Variants in KCND2 observed in about 807,000 individuals in gnomAD.
The protein encoded by KCND2 is A-type voltage-gated potassium channel KCND2.
KCND2 carries 16 observed loss-of-function variants against 54.4 expected under a neutral mutation model. That is an observed-to-expected ratio of 0.29 (90% CI 0.20 to 0.45). The LOEUF (loss-of-function observed/expected upper bound fraction) is 0.45, where lower values mean the gene tolerates loss of function less well. Ranked by LOEUF, KCND2 falls within the 20% of genes least tolerant of loss-of-function variation. The pLI is 1.00. For synonymous variants in KCND2, 317 were observed against 310.7 expected, an observed-to-expected ratio of 1.02 and a Z score of -0.21; for missense variants, 486 against 824.2, an observed-to-expected ratio of 0.59 and a Z score of 5.02.
chr7:120,274,602 G>C lies in KCND2; in HGVS notation c.-31G>C. 1 of 1,614,040 alleles carries C rather than the reference G, an allele frequency of 6.2e-7. No individual in the cohort carries two copies. ...TTCGGTGACCCATTGTAGACGCCTCGTTACCCTTCTTCCTTCCGCTTCAAG... is the reference window on the plus strand; with the variant it reads ...TTCGGTGACCCATTGTAGACGCCTCCTTACCCTTCTTCCTTCCGCTTCAAG... On this transcript the variant is annotated 5_prime_UTR_variant, in exon 1 of 6. Coordinates refer to ENST00000331113, the MANE Select transcript of KCND2 (RefSeq NM_012281.3).
At chr7:120,680,058 G>T (rs1039550458) in intron 1 of KCND2, among the ~76,000 whole-genome samples, 3 of 152,084 alleles carry the variant, frequency 2.0e-5, no homozygotes, top group African/African-American at 7.2e-5. Context: ...TGATTAATTT[G>T]CATGAGAATA....
chr7:120,586,916 C>A (rs1263086905), intron 1 of KCND2, among the ~76,000 whole-genome samples: 1 of 151,954 alleles, frequency 6.6e-6, no homozygotes, highest in Non-Finnish European at 1.5e-5. Context: ...TATAAAAAGC[C>A]CCCAAAGTAA....
chr7:120,605,464 A>T (rs1048933818), intron 1 of KCND2, among the ~76,000 whole-genome samples: 1 of 152,218 alleles, frequency 6.6e-6, no homozygotes, highest in African/African-American at 2.4e-5. Flanking sequence ...TTGTCTATTC[A>T]TTCATCAGTG....
At chr7:120,662,001 C>A (rs1791871539) in intron 1 of KCND2, among the ~76,000 whole-genome samples, 1 of 152,148 alleles carries the variant, frequency 6.6e-6, no homozygotes, top group South Asian at 2.1e-4. Context: ...TGTACAATTG[C>A]CTTTCCTTTT....
At chr7:120,576,167 GCA>G (rs1792431011) in intron 1 of KCND2, among the ~76,000 whole-genome samples, 1 of 151,948 alleles carries the variant, frequency 6.6e-6, no homozygotes, top group Non-Finnish European at 1.5e-5. Flanking sequence ...TTTTATGCAT[GCA>G]CACACACATA....
intron 1 of KCND2, among the ~76,000 whole-genome samples, chr7:120,670,496 C>T (rs1161623705): frequency 3.3e-5 from 5 of 152,088 alleles, no homozygotes; most frequent in African/African-American, 9.7e-5. Context: ...GATCCCCATT[C>T]CTGCTGCTGT....
chr7:120,495,810 A>C (rs543136312), intron 1 of KCND2, among the ~76,000 whole-genome samples: 3 of 152,254 alleles, frequency 2.0e-5, no homozygotes, highest in African/African-American at 7.2e-5. Flanking sequence ...AGGTCTCACA[A>C]ATAGTAATTC....
intron 1 of KCND2, among the ~76,000 whole-genome samples, chr7:120,374,979 C>A (rs1800816984): frequency 6.6e-6 from 1 of 151,886 alleles, no homozygotes; most frequent in Non-Finnish European, 1.5e-5. Context: ...CTAGTCAAAT[C>A]TCTGCTTTAC....
intron 1 of KCND2, among the ~76,000 whole-genome samples, chr7:120,666,540 C>T (rs1791928979): frequency 6.6e-6 from 1 of 151,736 alleles, no homozygotes. Flanking sequence ...ATTTTTTTTA[C>T]CCTGTATTTA....
chr7:120,309,474 T>TATACAC (rs1257702636), intron 1 of KCND2, among the ~76,000 whole-genome samples: 21 of 113,276 alleles, frequency 1.9e-4, no homozygotes, highest in African/African-American at 6.7e-4. Context: ...TATATATATA[T>TATACAC]ACACACACAC....
chr7:120,345,316 G>A (rs1205108043), intron 1 of KCND2, among the ~76,000 whole-genome samples: 1 of 152,074 alleles, frequency 6.6e-6, no homozygotes, highest in African/African-American at 2.4e-5. Flanking sequence ...TCTTCTGGTG[G>A]TATGTCTGTT....
intron 1 of KCND2, among the ~76,000 whole-genome samples, chr7:120,618,329 C>T (rs1483341789): frequency 1.3e-5 from 2 of 152,076 alleles, no homozygotes; most frequent in Non-Finnish European, 2.9e-5. Context: ...AGACTGTGTT[C>T]CCAAGAGTCT....
chr7:120,669,854 T>C (rs1186562286), intron 1 of KCND2, among the ~76,000 whole-genome samples: 2 of 152,042 alleles, frequency 1.3e-5, no homozygotes, highest in African/African-American at 4.8e-5. Flanking sequence ...CTAACACATG[T>C]AATAGCAAAA....
chr7:120,709,097 C>A (rs1391291108), intron 1 of KCND2, among the ~76,000 whole-genome samples: 2 of 152,050 alleles, frequency 1.3e-5, no homozygotes, highest in Admixed American at 1.3e-4. Flanking sequence ...ATTTCCAGGG[C>A]CCACCACACA....
intron 1 of KCND2, among the ~76,000 whole-genome samples, chr7:120,291,592 T>C (rs557261069): frequency 6.6e-6 from 1 of 152,020 alleles, no homozygotes; most frequent in African/African-American, 2.4e-5. Context: ...CAGTGTGCTG[T>C]TTCTATGTGC....
chr7:120,603,356 TC>T (rs1207199112), intron 1 of KCND2, among the ~76,000 whole-genome samples: 1 of 152,114 alleles, frequency 6.6e-6, no homozygotes, highest in Non-Finnish European at 1.5e-5. Flanking sequence ...CTTTTTCAAA[TC>T]CCCCAAGTGG....
intron 1 of KCND2, among the ~76,000 whole-genome samples, chr7:120,287,706 T>G (rs1025776581): frequency 6.6e-6 from 1 of 151,986 alleles, no homozygotes; most frequent in Non-Finnish European, 1.5e-5. Flanking sequence ...TACACAAGCA[T>G]GGTGGAGTGC....
At chr7:120,484,439 G>C (rs1419291139) in intron 1 of KCND2, among the ~76,000 whole-genome samples, 1 of 151,542 alleles carries the variant, frequency 6.6e-6, no homozygotes, top group Non-Finnish European at 1.5e-5. Context: ...ACAGGGATGA[G>C]CCTCTGTTCC....
intron 1 of KCND2, among the ~76,000 whole-genome samples, chr7:120,476,878 A>G (rs1373062746): frequency 6.6e-6 from 1 of 152,194 alleles, no homozygotes; most frequent in Non-Finnish European, 1.5e-5. Context: ...TGAGCATCAC[A>G]ATTGACTCTA....
Sources: allele counts gnomAD v4.1 joint callset (sites outside exome capture counted in the v4.1 genomes callset), GRCh38; gene constraint gnomAD v4.1.1; transcripts MANE v1.5; gene names NCBI Gene and HGNC (gene_info 2026-07-23, HGNC 2026-07-21).